The following BRDT variants were observed in gnomAD, a reference collection of about 807,000 sequenced individuals.
BRDT encodes bromodomain testis associated.
In BRDT, 77 loss-of-function variants were observed where a neutral mutation model predicts 113.9. That is an observed-to-expected ratio of 0.68 (90% CI 0.56 to 0.82). The LOEUF (loss-of-function observed/expected upper bound fraction) is 0.82, where lower values mean the gene tolerates loss of function less well. BRDT is among the 40% of genes least tolerant of loss of function. BRDT has a pLI of 0.00. For synonymous variants in BRDT, 358 were observed against 366.5 expected (o/e 0.98, Z 0.26); for missense variants, 1,027 against 1,105.4 (o/e 0.93, Z 1.01).
chr1:91,984,866 T>G (rs1017768571), intron 12 of BRDT, among the ~76,000 whole-genome samples: 3 of 152,210 alleles, frequency 2.0e-5, no homozygotes, highest in African/African-American at 7.2e-5. Context: ...CTTGAACTCC[T>G]GAGCTCAAGT....
Position 91,978,187 on chromosome 1 carries a change from A to G in BRDT, c.989A>G (p.Glu330Gly). The change falls in exon 7 of 19, where the codon GAA (glutamate) becomes GGA (glycine). Residue 330 changes from glutamate (E) to glycine (G), a missense_variant. Transcript: ENST00000399546. ...ATTTAGGAGAAAATGGATAACCAAG[A>G]ATATAAGGATGCATACAAATTTGCG... ...GTIKEKMDNQ[E>G]YKDAYKFAAD... 6.2e-7 allele frequency: 1 copy of G among 1,613,182 alleles called. No individual in the cohort carries two copies. The highest frequency in any genetic ancestry group is 2.2e-5 in the East Asian group (1 of 44,850).
At chr1:91,964,862 C>T in intron 3 of BRDT, 98 bp downstream of exon 3, 2 of 767,978 alleles carry the variant, frequency 2.6e-6, no homozygotes, top group South Asian at 4.2e-5. Flanking sequence ...CAATTCTCTT[C>T]GTTTGAGATA....
At chr1:91,962,980 AAAG>A (rs769747935) in intron 2 of BRDT, 34 bp downstream of exon 2, 6 of 1,449,296 alleles carry the variant, frequency 4.1e-6, no homozygotes, top group South Asian at 1.5e-5. Context: ...AGTTTCAAAA[AAAG>A]AAAACTCCTG....
At chr1:92,009,822 C>T (rs1687647474) in intron 18 of BRDT, among the ~76,000 whole-genome samples, 1 of 152,136 alleles carries the variant, frequency 6.6e-6, no homozygotes, top group Non-Finnish European at 1.5e-5. Context: ...CTGCCTGCCT[C>T]TGCCTCCCAG....
intron 1 of BRDT, 83 bp from the exon 2 acceptor site, chr1:91,962,635 C>T: frequency 1.2e-6 from 1 of 820,456 alleles, no homozygotes. Flanking sequence ...TGCCCGGCTT[C>T]TGTTACTCTT....
chr1:91,991,497 T>C (rs1685746921), intron 13 of BRDT, among the ~76,000 whole-genome samples: 1 of 152,200 alleles, frequency 6.6e-6, no homozygotes, highest in African/African-American at 2.4e-5. Context: ...TTCTAGAAGC[T>C]TCAGCTTATC....
At chr1:91,952,207 G>A (rs935215880) in intron 1 of BRDT, 2 of 152,212 alleles carry the variant, frequency 1.3e-5, no homozygotes, top group Admixed American at 1.3e-4. Flanking sequence ...ATGTTCCTGG[G>A]AGGTCAAGTT....
chr1:91,985,236 A>C (rs762255926), intron 12 of BRDT, among the ~76,000 whole-genome samples: 1 of 151,512 alleles, frequency 6.6e-6, no homozygotes, highest in African/African-American at 2.4e-5. Context: ...CTAATTTTTT[A>C]TTTTTAGTAG....
intron 1 of BRDT, among the ~76,000 whole-genome samples, chr1:91,959,419 C>CTTTTTTTTTTTT (rs11346071): frequency 1.8e-5 from 2 of 112,790 alleles, no homozygotes; most frequent in African/African-American, 6.4e-5. Context: ...CTTTTTCTTT[C>CTTTTTTTTTTTT]TTTTTTTTTT....
At chr1:91,957,333 A>C (rs1478575846) in intron 1 of BRDT, among the ~76,000 whole-genome samples, 1 of 152,080 alleles carries the variant, frequency 6.6e-6, no homozygotes, top group Non-Finnish European at 1.5e-5. Context: ...CTCTACTAAA[A>C]ATACAAAAAA....
chr1:92,005,081 C>G, intron 17 of BRDT, 38 bp from the exon 18 acceptor site: 2 of 1,394,122 alleles, frequency 1.4e-6, no homozygotes, highest in Non-Finnish European at 1.9e-6. Flanking sequence ...TTTTAAGGAA[C>G]TTGAAACCTA....
intron 1 of BRDT, among the ~76,000 whole-genome samples, chr1:91,961,831 G>A (rs1413437491): frequency 1.3e-5 from 2 of 151,992 alleles, no homozygotes; most frequent in African/African-American, 4.8e-5. Context: ...TTTTGTGAAA[G>A]ACAGGAAGAC....
intron 2 of BRDT, among the ~76,000 whole-genome samples, chr1:91,963,549 C>T (rs930508558): frequency 2.6e-5 from 4 of 152,146 alleles, no homozygotes; most frequent in African/African-American, 9.7e-5. Flanking sequence ...TCTCTTGACA[C>T]TTCCTGGCAG....
intron 4 of BRDT, among the ~76,000 whole-genome samples, chr1:91,970,251 T>A (rs1570487356): frequency 6.6e-6 from 1 of 152,202 alleles, no homozygotes; most frequent in East Asian, 1.9e-4. Flanking sequence ...TATGCTGTGT[T>A]TGAAAAGAAT....
At chr1:91,979,801 C>A in intron 8 of BRDT, 44 bp downstream of exon 8, 1 of 1,522,558 alleles carries the variant, frequency 6.6e-7, no homozygotes, top group Admixed American at 2.3e-5. Flanking sequence ...CTATGAGCTG[C>A]TAATCTATCA....
intron 18 of BRDT, among the ~76,000 whole-genome samples, chr1:92,011,235 G>C (rs1687772479): frequency 6.6e-6 from 1 of 152,172 alleles, no homozygotes; most frequent in Non-Finnish European, 1.5e-5. Flanking sequence ...GTTTACTTTA[G>C]AGCAGTGTGA....
At chr1:92,002,020 T>C (rs752549469) in intron 15 of BRDT, 29 bp from the exon 16 acceptor site, 13 of 1,469,390 alleles carry the variant, frequency 8.8e-6, no homozygotes, top group Admixed American at 1.8e-5. Context: ...ATATTTTAAT[T>C]ATACTATTCT....
chr1:91,972,139 A>G lies in BRDT; in HGVS notation c.445+3879A>G, dbSNP rs1162532813. ...TGTAGTCTTCATGCTGCAAAATTTA[A>G]GTAGTGTTTTTCTATTCTCATTTTA... On this transcript the variant is annotated intron_variant, in intron 4 of 18. Transcript: ENST00000399546. 2.6e-5 allele frequency among the ~76,000 whole-genome samples: 4 copies of G among 152,210 alleles called. No individual in the cohort carries two copies. The South Asian group carries it at 8.3e-4, about 32-fold the overall frequency.
Position 92,005,267 on chromosome 1 carries a change from C to G in BRDT, c.2743C>G (p.Gln915Glu). 6.4e-7 allele frequency: 1 copy of G among 1,572,972 alleles called. No homozygotes were observed. The highest frequency in any genetic ancestry group is 8.6e-7 in the Non-Finnish European group (1 of 1,165,682). The change falls in exon 18 of 19, where the codon CAG becomes GAG. Residue 915 changes from glutamine (Q) to glutamate (E), a missense_variant. Gln to Glu is a conservative substitution (Grantham distance 29). Coordinates refer to ENST00000399546, the MANE Select transcript of BRDT (RefSeq NM_207189.4). ...WLLKDRDLAR[Q>E]KEQERRRREA... ...TCTCAAAGACCGTGATTTAGCAAGG[C>G]AGAAAGAACAAGAGAGGAGGAGGAG...
Sources: allele counts gnomAD v4.1 joint callset (sites outside exome capture counted in the v4.1 genomes callset), GRCh38; gene constraint gnomAD v4.1.1; transcripts MANE v1.5; gene names NCBI Gene and HGNC (gene_info 2026-07-23, HGNC 2026-07-21).